RBCK1: variants seen among roughly 807,000 people sequenced by gnomAD.
RBCK1 encodes the protein RANBP2-type and C3HC4-type zinc finger containing 1.
RBCK1 carries 44 observed loss-of-function variants against 71.1 expected under a neutral mutation model. The ratio of observed to expected loss-of-function variants is 0.62; its 90% confidence interval spans 0.49 to 0.80. RBCK1 has a LOEUF of 0.80. Ranked by LOEUF, RBCK1 falls within the 30% of genes least tolerant of loss-of-function variation. The probability of loss-of-function intolerance (pLI) is 0.00; values close to 1 mark genes in which losing one functional copy is unlikely to be tolerated. For missense variants in RBCK1, 569 were observed against 685.0 expected, an observed-to-expected ratio of 0.83 and a Z score of 1.89; for synonymous variants, 306 against 279.7, an observed-to-expected ratio of 1.09 and a Z score of -0.94.
In RBCK1 at chr20:419,688, C is replaced by A. The variant is rs1486771468; in HGVS notation, c.713C>A (p.Ala238Glu). 6.3e-7 allele frequency: 1 copy of A among 1,575,540 alleles called. No individual in the cohort carries two copies. The highest frequency in any genetic ancestry group is 2.3e-5 in the East Asian group (1 of 42,922). Residue 238 changes from alanine to glutamate, a missense_variant, in exon 6 of 12, where the codon GCG becomes GAG. Ala to Glu is a moderately radical substitution (Grantham distance 107). This residue lies in a region of RBCK1 where 358 missense variants were observed against 375.6 expected (regional missense o/e 0.95). Coordinates refer to ENST00000356286, the MANE Select transcript of RBCK1 (RefSeq NM_031229.4). ...TACCAGCCCGACGAGGAGGAGCGAG[C>A]GCGCCTGGCGGGCGAGGAGGAGGCG... is the stretch of plus-strand genomic sequence containing the variant. ...ASYQPDEEERARLAGEEEALR... is the reference protein window; with the variant it reads ...ASYQPDEEERERLAGEEEALR...
intron 2 of RBCK1, among the ~76,000 whole-genome samples, chr20:413,704 T>G (rs1197955010): frequency 6.6e-6 from 1 of 152,134 alleles, no homozygotes; most frequent in East Asian, 1.9e-4. Flanking sequence ...AACCTGAGTT[T>G]TGAGAGGCTC....
chr20:420,330 C>T (rs2016310833), intron 6 of RBCK1: 1 of 984,522 alleles, frequency 1.0e-6, no homozygotes, highest in Non-Finnish European at 1.2e-6. Context: ...AGACATTGAT[C>T]CCCGAGTGCT....
rs143360726 is a variant in RBCK1, at chr20:431,850, C to G, written c.*1420C>G. Reference sequence around the variant, plus strand: ...AGAAAGGCCCAGGCAGAACCACTGACTGGGAGGAAACAGAAAAAGCAGAGG... The same window carrying G: ...AGAAAGGCCCAGGCAGAACCACTGAGTGGGAGGAAACAGAAAAAGCAGAGG... On this transcript the variant is annotated 3_prime_UTR_variant, in exon 12 of 12. Transcript: ENST00000356286. This position sits in a 1 kb window ranked among gnomAD's most constrained non-coding sequence, Gnocchi z 4.8. Among the ~76,000 whole-genome samples the G allele has an allele frequency of 4.6e-3, 706 of 152,316 alleles. 2 individuals are homozygous for G. Among genetic ancestry groups the G allele is most frequent in the Middle Eastern group, 0.014 (4 of 294 alleles).
Position 429,512 on chromosome 20 carries a change from C to T in RBCK1, c.1452+418C>T, listed in dbSNP as rs115981754. ...AAGTGCTAGGATTACAGGCGTGAGCCACCGGGCCGCAAGAATGTTCTTTAC... is the reference window on the plus strand; with the variant it reads ...AAGTGCTAGGATTACAGGCGTGAGCTACCGGGCCGCAAGAATGTTCTTTAC... On this transcript the variant is annotated intron_variant, in intron 11 of 11. Coordinates refer to ENST00000356286, the MANE Select transcript of RBCK1 (RefSeq NM_031229.4). 9.9e-3 allele frequency among the ~76,000 whole-genome samples: 1,511 copies of T among 152,318 alleles called. 23 individuals carry two copies. The highest frequency in any genetic ancestry group is 0.033 in the African/African-American group (1,389 of 41,554).
chr20:416,800 C>G (rs1308512910), intron 2 of RBCK1, among the ~76,000 whole-genome samples: 3 of 152,172 alleles, frequency 2.0e-5, no homozygotes, highest in African/African-American at 7.2e-5. Flanking sequence ...AGTTCAAGAC[C>G]AGCTTTGGCA....
intron 7 of RBCK1, among the ~76,000 whole-genome samples, chr20:421,313 GCAGCCACGCTGCTCT>G (rs2016425257): frequency 6.6e-6 from 1 of 152,174 alleles, no homozygotes; most frequent in East Asian, 1.9e-4. Context: ...CCGGGCTCCT[GCAGCCACGCTGCTCT>G]CAGCCTCGCT....
Position 431,928 on chromosome 20 carries a change from A to G in RBCK1, c.*1498A>G, listed in dbSNP as rs148348749. 6.1e-3 allele frequency among the ~76,000 whole-genome samples: 934 copies of G among 152,292 alleles called. 5 individuals are homozygous for G. Among genetic ancestry groups the G allele is most frequent in the Middle Eastern group, 0.014 (4 of 294 alleles). On this transcript the variant is annotated 3_prime_UTR_variant, in exon 12 of 12. Transcript: ENST00000356286. This position sits in a 1 kb window ranked among gnomAD's most constrained non-coding sequence, Gnocchi z 4.8. Reference sequence around the variant, plus strand: ...GACCAGCTCAGGCAGACGCTGTCTCATACCCACTCTCCCCTCTCTTGCCAG... The same window carrying G: ...GACCAGCTCAGGCAGACGCTGTCTCGTACCCACTCTCCCCTCTCTTGCCAG...
rs2016994479 is a variant in RBCK1 at position 431,068 on chromosome 20, C to T, written c.*638C>T. On this transcript the variant is annotated 3_prime_UTR_variant, in exon 12 of 12. Transcript: ENST00000356286. The surrounding 1 kb of genome is among the most constrained non-coding windows in gnomAD (Gnocchi z 4.8). ...TCTGGGAACTGCATCAGAAAGTTGA[C>T]TTGTCAGTCCATCTGTGGTAGAATG... The T allele has an allele frequency of 6.6e-6, 1 of 152,568 alleles. No homozygotes were observed. Among genetic ancestry groups the T allele is most frequent in the African/African-American group, 2.4e-5 (1 of 41,462 alleles). 9.5% of individuals were successfully genotyped at this position (152,568 alleles called of 1,614,324 possible). A position where few individuals can be genotyped will look rare whatever the true frequency, so the allele number is the denominator to read the frequency against.
rs727503765 is a variant in RBCK1, at chr20:419,702, G to T, written c.727G>T (p.Glu243Ter). 6.4e-7 allele frequency: 1 copy of T among 1,570,246 alleles called. No individual in the cohort carries two copies. Among genetic ancestry groups the T allele is most frequent in the East Asian group, 2.3e-5 (1 of 42,668 alleles). Residue 243 changes from glutamate to a stop codon, truncating the protein, a stop_gained, in exon 6 of 12, where the codon GAG becomes TAG. Coordinates refer to ENST00000356286, the MANE Select transcript of RBCK1 (RefSeq NM_031229.4). LOFTEE classifies it high-confidence loss of function. ...GGAGGAGCGAGCGCGCCTGGCGGGC[G>T]AGGAGGAGGCGCTGCGTCAGTACCA... ...DEEERARLAG[E>*]EEALRQYQQR...
rs1052491962 is a variant in RBCK1 at position 430,570 on chromosome 20, A to G, written c.*140A>G. The G allele has an allele frequency of 1.2e-6, 1 of 811,072 alleles. No homozygotes were observed. Among genetic ancestry groups the G allele is most frequent in the Non-Finnish European group, 2.0e-6 (1 of 502,556 alleles). The allele number at this position is 811,072 out of a possible 1,614,324, so 50.2% of individuals were successfully genotyped here. A position where few individuals can be genotyped will look rare whatever the true frequency, so the allele number is the denominator to read the frequency against. On this transcript the variant is annotated 3_prime_UTR_variant, in exon 12 of 12. Transcript: ENST00000356286. The surrounding 1 kb of genome is among the most constrained non-coding windows in gnomAD (Gnocchi z 5.6). ...CTGCACTGCGGTTGTCCACGGTCAC[A>G]TCTGCCCCAGTGCCTTTGTCCTTCC...
chr20:422,275 A>C lies in RBCK1; in HGVS notation c.1029+37A>C. 1 of 1,571,436 alleles carries C rather than the reference A, an allele frequency of 6.4e-7. No homozygotes were observed. The highest frequency in any genetic ancestry group is 8.7e-7 in the Non-Finnish European group (1 of 1,142,860). On this transcript the variant is annotated intron_variant, in intron 8 of 11. Transcript: ENST00000356286. The surrounding 1 kb of genome is among the most constrained non-coding windows in gnomAD (Gnocchi z 5.0). ...GGGTGGGAGACATACCCCAAGTCCC[A>C]ACTCCTAAGGAACTGGGCCCTGAGC...
chr20:419,482 G>A lies in RBCK1; in HGVS notation c.582+14G>A. On this transcript the variant is annotated intron_variant, in intron 5 of 11. Coordinates refer to ENST00000356286, the MANE Select transcript of RBCK1 (RefSeq NM_031229.4). ...GAGCCCCCACCGGTAAGCTGTCCTT[G>A]GCCTCAGTATCCTCTTCTGTGCCCC... 1 of 1,604,942 alleles carries A rather than the reference G, an allele frequency of 6.2e-7. No individual in the cohort carries two copies. Among genetic ancestry groups the A allele is most frequent in the Non-Finnish European group, 8.5e-7 (1 of 1,175,700 alleles).
Position 410,044 on chromosome 20 carries a change from G to A in RBCK1, c.167+19G>A. 6.2e-7 allele frequency: 1 copy of A among 1,609,822 alleles called. No individual in the cohort carries two copies. The highest frequency in any genetic ancestry group is 8.5e-7 in the Non-Finnish European group (1 of 1,177,184). ...ACATCAGGTGAGGAGTGCATGGCTG[G>A]CCTGAACCCAAGGGACAGCAGGACA... is the stretch of plus-strand genomic sequence containing the variant. On this transcript the variant is annotated intron_variant, in intron 2 of 11. Transcript: ENST00000356286.
chr20:417,959 C>T lies in RBCK1; in HGVS notation c.460+29C>T, dbSNP rs2122228954. 1.3e-6 allele frequency: 2 copies of T among 1,588,626 alleles called. No homozygotes were observed. The highest frequency in any genetic ancestry group is 1.7e-6 in the Non-Finnish European group (2 of 1,172,926). On this transcript the variant is annotated intron_variant, in intron 4 of 11. Coordinates refer to ENST00000356286, the MANE Select transcript of RBCK1 (RefSeq NM_031229.4). This position sits in a 1 kb window ranked among gnomAD's most constrained non-coding sequence, Gnocchi z 4.7. ...AGGCTCTGCCCTGAGCACCGCCGGA[C>T]CCAGCGGGGGCCCTGGACTCACTTG...
Position 426,816 on chromosome 20 carries a change from C to CTTTTTTTTT in RBCK1, c.1030-477_1030-469dup, listed in dbSNP as rs768525416. 9.4e-5 allele frequency among the ~76,000 whole-genome samples: 9 copies of CTTTTTTTTT among 95,476 alleles called. 1 individual carries two copies. The highest frequency in any genetic ancestry group is 4.3e-4 in the African/African-American group (8 of 18,720). The allele number at this position is 95,476 out of a possible 152,430, so 62.6% of individuals were successfully genotyped here. On this transcript the variant is annotated intron_variant, in intron 8 of 11. Coordinates refer to ENST00000356286, the MANE Select transcript of RBCK1 (RefSeq NM_031229.4). ...TCACTTTCTTTTTACTTTTCTTTTCCTTTTTTTTTTTTTTTTTTTTTTTTT... is the reference window on the plus strand; with the variant it reads ...TCACTTTCTTTTTACTTTTCTTTTCCTTTTTTTTTTTTTTTTTTTTTTTTTTTTTTTTTT...
At chr20:409,708 A>C in intron 1 of RBCK1, 173 bp from the exon 2 acceptor site, 1 of 961,114 alleles carries the variant, frequency 1.0e-6, no homozygotes, top group Admixed American at 2.4e-5. Context: ...AATATTAGAG[A>C]ACCCCTCCCG....
In RBCK1 at chr20:420,855, C is replaced by T. The variant is rs1203285203; in HGVS notation, c.757-16C>T. On this transcript the variant is annotated splice_polypyrimidine_tract_variant and intron_variant, in intron 6 of 11. Transcript: ENST00000356286. ...GAGGCCCTGACCCGCCCCGTGGCCC[C>T]GCCCCGTGTGCCCAGCGGAAGCAGC... is the stretch of plus-strand genomic sequence containing the variant. The T allele has an allele frequency of 1.3e-6, 2 of 1,546,236 alleles. No homozygotes were observed. Among genetic ancestry groups the T allele is most frequent in the African/African-American group, 1.4e-5 (1 of 71,580 alleles).
chr20:415,569 T>C (rs558526612), intron 2 of RBCK1, among the ~76,000 whole-genome samples: 1 of 152,288 alleles, frequency 6.6e-6, no homozygotes, highest in African/African-American at 2.4e-5. Context: ...AAGTCCCTTT[T>C]ACTCTCCTCT....
chr20:411,706 C>A (rs1423814783), intron 2 of RBCK1, among the ~76,000 whole-genome samples: 1 of 152,202 alleles, frequency 6.6e-6, no homozygotes, highest in Non-Finnish European at 1.5e-5. Flanking sequence ...GAGATAAGGT[C>A]TTGCTTTGTT....
Sources: allele counts gnomAD v4.1 joint callset (sites outside exome capture counted in the v4.1 genomes callset), GRCh38; gene constraint gnomAD v4.1.1; regional missense constraint gnomAD v4.1.1; non-coding constraint Gnocchi (gnomAD v3.1); transcripts MANE v1.5; gene names NCBI Gene and HGNC (gene_info 2026-07-23, HGNC 2026-07-21).